Variants in ZFPM2 observed in about 807,000 individuals in gnomAD.
The protein encoded by ZFPM2 is zinc finger protein ZFPM2.
In ZFPM2, 20 loss-of-function variants were observed where a neutral mutation model predicts 98.6. The ratio of observed to expected loss-of-function variants is 0.20; its 90% confidence interval spans 0.14 to 0.29. ZFPM2 has a LOEUF of 0.29. Ranked by LOEUF, ZFPM2 falls within the 10% of genes least tolerant of loss-of-function variation. The pLI, the probability that ZFPM2 is intolerant of heterozygous loss-of-function variation, is 1.00. For synonymous variants in ZFPM2, 518 were observed against 502.7 expected (o/e 1.03, Z -0.41); for missense variants, 1,310 against 1,388.6 (o/e 0.94, Z 0.90).
chr8:105,794,937 T>G (rs1419938233), intron 6 of ZFPM2, among the ~76,000 whole-genome samples: 2 of 152,040 alleles, frequency 1.3e-5, no homozygotes, highest in East Asian at 3.9e-4. Flanking sequence ...TGTCGGAAAA[T>G]CGCAGTATTC....
intron 7 of ZFPM2, 26 bp from the exon 8 acceptor site, chr8:105,801,021 T>G: frequency 6.3e-7 from 1 of 1,582,422 alleles, no homozygotes; most frequent in Non-Finnish European, 8.6e-7. Context: ...TGTTTCTCAT[T>G]GTTCTTATTT....
chr8:105,760,550 T>G (rs1370319589), intron 5 of ZFPM2, among the ~76,000 whole-genome samples: 1 of 152,026 alleles, frequency 6.6e-6, no homozygotes, highest in Non-Finnish European at 1.5e-5. Context: ...TTCAAAAAAA[T>G]TATGCAGGAA....
intron 2 of ZFPM2, among the ~76,000 whole-genome samples, chr8:105,425,007 G>A (rs1811878237): frequency 6.6e-6 from 1 of 152,146 alleles, no homozygotes; most frequent in South Asian, 2.1e-4. Context: ...TTTGACTGGA[G>A]ACTTGAGAGA....
intron 5 of ZFPM2, among the ~76,000 whole-genome samples, chr8:105,777,759 G>GA (rs928376773): frequency 2.0e-5 from 3 of 151,688 alleles, no homozygotes; most frequent in Admixed American, 2.0e-4. Context: ...TGCTGCATAC[G>GA]AAAAAAAGGC....
chr8:105,526,653 A>G (rs1229718891), intron 3 of ZFPM2, among the ~76,000 whole-genome samples: 2 of 152,162 alleles, frequency 1.3e-5, no homozygotes, highest in East Asian at 1.9e-4. Context: ...GTATCCAACA[A>G]GCCACACGGT....
At chr8:105,604,818 A>T (rs1816165318) in intron 4 of ZFPM2, among the ~76,000 whole-genome samples, 2 of 151,968 alleles carry the variant, frequency 1.3e-5, no homozygotes, top group South Asian at 4.1e-4. Flanking sequence ...TTATATCTTT[A>T]TTTTACCTAA....
In ZFPM2 at chr8:105,544,189, A is replaced by G. The variant is rs144171814; in HGVS notation, c.302-17174A>G. 6.2e-3 allele frequency among the ~76,000 whole-genome samples: 950 copies of G among 152,340 alleles called. 11 individuals carry two copies. The highest frequency in any genetic ancestry group is 0.022 in the African/African-American group (921 of 41,582). On this transcript the variant is annotated intron_variant, in intron 3 of 7. Transcript: ENST00000407775. The stretch of plus-strand genomic sequence containing the variant: ...TTAATAATAGGATCACAAAAGCCTT[A>G]GTAGAATGAACAATTTAGAGAATGG...
At chr8:105,524,480 G>T (rs1213416988) in intron 3 of ZFPM2, among the ~76,000 whole-genome samples, 1 of 151,456 alleles carries the variant, frequency 6.6e-6, no homozygotes, top group Non-Finnish European at 1.5e-5. Context: ...ATGTGTGTGT[G>T]TGTGTTTCTC....
chr8:105,490,906 A>G (rs546624854), intron 3 of ZFPM2, among the ~76,000 whole-genome samples: 1 of 152,318 alleles, frequency 6.6e-6, no homozygotes, highest in East Asian at 1.9e-4. Flanking sequence ...TTTAAAGGAC[A>G]ATATTTAAAA....
At chr8:105,561,522 C>A in intron 4 of ZFPM2, 41 bp downstream of exon 4, 1 of 1,450,510 alleles carries the variant, frequency 6.9e-7, no homozygotes, top group Non-Finnish European at 9.4e-7. Flanking sequence ...TTGTCATCGA[C>A]TGTTAGTATT....
intron 5 of ZFPM2, among the ~76,000 whole-genome samples, chr8:105,714,820 A>T (rs897271389): frequency 2.6e-5 from 4 of 152,098 alleles, no homozygotes; most frequent in Non-Finnish European, 4.4e-5. Flanking sequence ...AAAAGATTTT[A>T]AAAAGTGATA....
intron 3 of ZFPM2, among the ~76,000 whole-genome samples, chr8:105,481,641 C>T (rs1056401434): frequency 6.6e-6 from 1 of 152,024 alleles, no homozygotes; most frequent in African/African-American, 2.4e-5. Context: ...CAAGTCCCTC[C>T]CAAATGTTCA....
At chr8:105,515,991 C>T (rs1472507213) in intron 3 of ZFPM2, among the ~76,000 whole-genome samples, 4 of 140,344 alleles carry the variant, frequency 2.9e-5, no homozygotes, top group Non-Finnish European at 6.0e-5. Context: ...GATCTTGGCT[C>T]ACTGCAACTT....
At chr8:105,720,627 CCAAT>C (rs1338256764) in intron 5 of ZFPM2, among the ~76,000 whole-genome samples, 1 of 151,850 alleles carries the variant, frequency 6.6e-6, no homozygotes, top group Non-Finnish European at 1.5e-5. Context: ...CTCTGTCGTG[CCAAT>C]CAGCCAGATC....
chr8:105,374,406 A>T (rs1323995122), intron 1 of ZFPM2, among the ~76,000 whole-genome samples: 1 of 146,964 alleles, frequency 6.8e-6, no homozygotes, highest in African/African-American at 2.5e-5. Flanking sequence ...TAAACTAAGA[A>T]TTTTTTTTTT....
chr8:105,541,091 A>C (rs1814566667), intron 3 of ZFPM2, among the ~76,000 whole-genome samples: 1 of 152,114 alleles, frequency 6.6e-6, no homozygotes, highest in African/African-American at 2.4e-5. Context: ...AAAATTAGGC[A>C]GCTGGTGCTT....
At chr8:105,670,649 T>C (rs1213803503) in intron 5 of ZFPM2, among the ~76,000 whole-genome samples, 1 of 152,174 alleles carries the variant, frequency 6.6e-6, no homozygotes, top group Non-Finnish European at 1.5e-5. Context: ...TACATTACCC[T>C]GACCCCATCT....
At chr8:105,427,886 G>A (rs1206058202) in intron 2 of ZFPM2, among the ~76,000 whole-genome samples, 1 of 152,116 alleles carries the variant, frequency 6.6e-6, no homozygotes. Flanking sequence ...TTTTAATAAT[G>A]GTAATAACAA....
At chr8:105,399,381 A>G (rs1811289891) in intron 1 of ZFPM2, among the ~76,000 whole-genome samples, 1 of 152,198 alleles carries the variant, frequency 6.6e-6, no homozygotes, top group South Asian at 2.1e-4. Context: ...GGTGAGAGGC[A>G]GTCAGGTTGG....
Sources: gnomAD v4.1 joint callset for allele counts (sites outside exome capture counted in the v4.1 genomes callset) on GRCh38, gnomAD v4.1.1 for gene constraint, MANE v1.5 for transcripts, NCBI Gene and HGNC (gene_info 2026-07-23, HGNC 2026-07-21) for gene names.